Variants in LOXL2 observed in about 807,000 individuals in gnomAD.
The protein encoded by LOXL2 is lysyl oxidase homolog 2.
Under a neutral mutation model 93.0 loss-of-function variants are expected in LOXL2, and 70 were observed. The ratio of observed to expected loss-of-function variants is 0.75; its 90% CI spans 0.62 to 0.92. LOXL2 has a LOEUF of 0.92. Ranked by LOEUF, LOXL2 falls within the 40% of genes least tolerant of loss-of-function variation. The pLI is 0.00. For missense variants in LOXL2, 973 were observed against 1,054.9 expected, an observed-to-expected ratio of 0.92 and a Z score of 1.08; for synonymous variants, 438 against 413.2, an observed-to-expected ratio of 1.06 and a Z score of -0.73.
intron 4 of LOXL2, among the ~76,000 whole-genome samples, chr8:23,338,252 T>C (rs1304303234): frequency 6.6e-6 from 1 of 152,154 alleles, no homozygotes; most frequent in Non-Finnish European, 1.5e-5. Flanking sequence ...GGAGCCACAA[T>C]TCAAGATGAG....
At chr8:23,377,584 G>C (rs894482677) in intron 1 of LOXL2, among the ~76,000 whole-genome samples, 1 of 151,982 alleles carries the variant, frequency 6.6e-6, no homozygotes, top group African/African-American at 2.4e-5. Context: ...AAGTCTCTTT[G>C]TAGATCTTTA....
chr8:23,329,578 T>C (rs528542378), intron 5 of LOXL2, among the ~76,000 whole-genome samples: 1 of 152,310 alleles, frequency 6.6e-6, no homozygotes, highest in Non-Finnish European at 1.5e-5. Context: ...GCATGCTGCA[T>C]GTATGCGTGT....
intron 10 of LOXL2, among the ~76,000 whole-genome samples, chr8:23,307,621 T>C (rs529339682): frequency 6.6e-6 from 1 of 152,208 alleles, no homozygotes; most frequent in East Asian, 1.9e-4. Flanking sequence ...TGGGCTGCCA[T>C]ATGCAGGGCT....
intron 10 of LOXL2, among the ~76,000 whole-genome samples, chr8:23,308,971 AATAT>A (rs202120091): frequency 3.7e-4 from 55 of 146,904 alleles, no homozygotes; most frequent in Non-Finnish European, 4.9e-4. Flanking sequence ...CAGTACGTGG[AATAT>A]ATATATATAT....
chr8:23,310,132 G>A (rs749443034), intron 9 of LOXL2, among the ~76,000 whole-genome samples: 1 of 152,322 alleles, frequency 6.6e-6, no homozygotes, highest in East Asian at 1.9e-4. Flanking sequence ...CGGTGCAGAT[G>A]AGCGAGATGT....
At chr8:23,352,808 CA>C (rs898119545) in intron 3 of LOXL2, among the ~76,000 whole-genome samples, 8 of 151,908 alleles carry the variant, frequency 5.3e-5, no homozygotes, top group African/African-American at 1.9e-4. Context: ...GTTCTGTCCT[CA>C]TCGTCCCTCT....
chr8:23,381,404 C>T (rs1804679076), intron 1 of LOXL2, among the ~76,000 whole-genome samples: 1 of 152,146 alleles, frequency 6.6e-6, no homozygotes, highest in Admixed American at 6.5e-5. Context: ...ATATGAACCA[C>T]CTTCCAGAAA....
At chr8:23,306,301 C>T (rs867835908) in intron 10 of LOXL2, among the ~76,000 whole-genome samples, 2 of 152,350 alleles carry the variant, frequency 1.3e-5, no homozygotes, top group Middle Eastern at 6.8e-3. Flanking sequence ...GATGCTTGCA[C>T]TCTACATCTT....
chr8:23,357,646 A>ATT (rs748751771), intron 3 of LOXL2, among the ~76,000 whole-genome samples: 188 of 136,966 alleles, frequency 1.4e-3, no homozygotes, highest in African/African-American at 4.8e-3. Context: ...GGCCTGTCTT[A>ATT]TTTTTTTTTT....
chr8:23,379,884 T>C (rs1401868315), intron 1 of LOXL2, among the ~76,000 whole-genome samples: 1 of 152,106 alleles, frequency 6.6e-6, no homozygotes, highest in Non-Finnish European at 1.5e-5. Context: ...CCCTTGCGCT[T>C]CCTGGGTGAG....
In LOXL2 at chr8:23,375,553, C is replaced by T. The variant is rs1177813837; in HGVS notation, c.-83-7119G>A. Among the ~76,000 whole-genome samples the T allele has an allele frequency of 3.9e-5, 6 of 152,166 alleles. No homozygotes were observed. The South Asian group carries it at 8.3e-4, about 21-fold the overall frequency. ...ACCTTGGGCAGTATGGCCATTTTCA[C>T]GTTATTGATTCTTCCTATCCATGAG... On this transcript the variant is annotated intron_variant, in intron 1 of 13. Transcript: ENST00000389131.
intron 3 of LOXL2, among the ~76,000 whole-genome samples, chr8:23,355,573 G>A (rs1436745376): frequency 8.2e-6 from 1 of 122,454 alleles, no homozygotes; most frequent in Non-Finnish European, 1.6e-5. Context: ...CTGATACTGA[G>A]CTTTTAGTCA....
chr8:23,314,073 C>G (rs1389957984), intron 9 of LOXL2, among the ~76,000 whole-genome samples: 13 of 151,380 alleles, frequency 8.6e-5, no homozygotes, highest in Non-Finnish European at 1.3e-4. Context: ...CAGAGAAATG[C>G]AAATCAAAAC....
At chr8:23,343,092 C>T (rs74304599) in intron 3 of LOXL2, among the ~76,000 whole-genome samples, 2,667 of 152,280 alleles carry the variant, frequency 0.018, 71 homozygotes, top group East Asian at 0.096. Context: ...TGACTAGCTC[C>T]TCTTTGTCTA....
chr8:23,340,753 C>T (rs1241080099), intron 4 of LOXL2, among the ~76,000 whole-genome samples: 2 of 152,168 alleles, frequency 1.3e-5, no homozygotes, highest in African/African-American at 4.8e-5. Flanking sequence ...ACAAGCTACT[C>T]TAGGGATTAG....
At chr8:23,301,649 T>A (rs1803132906) in intron 12 of LOXL2, among the ~76,000 whole-genome samples, 1 of 152,144 alleles carries the variant, frequency 6.6e-6, no homozygotes, top group African/African-American at 2.4e-5. Flanking sequence ...CCTAGGGCAC[T>A]AGGAGAAATG....
At chr8:23,321,009 C>T (rs904613813) in intron 7 of LOXL2, among the ~76,000 whole-genome samples, 4 of 152,190 alleles carry the variant, frequency 2.6e-5, no homozygotes, top group Non-Finnish European at 5.9e-5. Context: ...AACAGAGGAG[C>T]AATTCTTGAC....
At chr8:23,403,830 TG>T (rs983548011) in intron 1 of LOXL2, 123 bp downstream of exon 1, 1 of 152,430 alleles carries the variant, frequency 6.6e-6, no homozygotes, top group African/African-American at 2.4e-5. Flanking sequence ...AAGAAGTCTT[TG>T]GGAACCCCCA....
intron 1 of LOXL2, among the ~76,000 whole-genome samples, chr8:23,383,643 T>C (rs1585380926): frequency 7.1e-6 from 1 of 141,514 alleles, no homozygotes; most frequent in Admixed American, 7.3e-5. Context: ...AGGGCACTTT[T>C]ACGTTTTTTT....
Sources: gnomAD v4.1 joint callset for allele counts (sites outside exome capture counted in the v4.1 genomes callset) on GRCh38, gnomAD v4.1.1 for gene constraint, MANE v1.5 for transcripts, NCBI Gene and HGNC (gene_info 2026-07-23, HGNC 2026-07-21) for gene names.